SZT2: variants seen among roughly 807,000 people sequenced by gnomAD.
The protein encoded by SZT2 is SZT2 subunit of KICSTOR complex.
Under a neutral mutation model 404.2 loss-of-function variants are expected in SZT2, and 216 were observed. That is an observed-to-expected ratio of 0.53 (90% confidence interval 0.48 to 0.60). SZT2 has a LOEUF of 0.60. Ranked by LOEUF, SZT2 falls within the 20% of genes least tolerant of loss-of-function variation. The probability of loss-of-function intolerance (pLI) is 0.00; values close to 1 mark genes in which losing one functional copy is unlikely to be tolerated. For synonymous variants in SZT2, 1,693 were observed against 1,749.9 expected, an observed-to-expected ratio of 0.97 and a Z score of 0.81; for missense variants, 3,857 against 4,459.2, an observed-to-expected ratio of 0.86 and a Z score of 3.85.
Position 43,437,373 on chromosome 1 carries a change from A to G in SZT2, c.6188-33A>G. 1 of 1,614,018 alleles carries G rather than the reference A, an allele frequency of 6.2e-7. No homozygotes were observed. The highest frequency in any genetic ancestry group is 8.5e-7 in the Non-Finnish European group (1 of 1,179,946). On this transcript the variant is annotated intron_variant, in intron 43 of 71. Coordinates refer to ENST00000634258, the MANE Select transcript of SZT2 (RefSeq NM_001365999.1). The surrounding 1 kb of genome is among the most constrained non-coding windows in gnomAD (Gnocchi z 5.3). ...GGTGAGCATTGGAAGGATCTGGAAA[A>G]GGCAGTTTCCTGAGCCCATGTTATT...
chr1:43,425,177 T>TCCC lies in SZT2; in HGVS notation c.2619_2621dup (p.Pro874dup). ...ACCTGTGTTGTCCAGTACATCCTCTTCCCCCCACACTCTACCTCCACCAAA... is the reference window on the plus strand; with the variant it reads ...ACCTGTGTTGTCCAGTACATCCTCTTCCCCCCCCCACACTCTACCTCCACCAAA... On this transcript the variant is annotated inframe_insertion, in exon 18 of 72. Transcript: ENST00000634258. This position sits in a 1 kb window ranked among gnomAD's most constrained non-coding sequence, Gnocchi z 4.3. 1 of 1,613,928 alleles carries TCCC rather than the reference T, an allele frequency of 6.2e-7. No individual in the cohort carries two copies. Among genetic ancestry groups the TCCC allele is most frequent in the Non-Finnish European group, 8.5e-7 (1 of 1,179,966 alleles).
chr1:43,446,149 C>G, intron 63 of SZT2, 30 bp from the exon 64 acceptor site: 2 of 1,613,828 alleles, frequency 1.2e-6, no homozygotes, highest in Non-Finnish European at 1.7e-6. Flanking sequence ...GGTGAGCCCC[C>G]AAACCTTGCC....
At position 43,404,394 on chromosome 1, in the gene SZT2, G is replaced by A. The variant is rs1228605343; in HGVS notation, c.342G>A (p.Gly114=). The A allele has an allele frequency of 6.2e-7, 1 of 1,613,458 alleles. No homozygotes were observed. The highest frequency in any genetic ancestry group is 1.7e-5 in the Admixed American group (1 of 59,988). The change falls in exon 4 of 72, where the codon GGG becomes GGA. Residue 114 remains glycine, a synonymous_variant. Coordinates refer to ENST00000634258, the MANE Select transcript of SZT2 (RefSeq NM_001365999.1). ...PSTGIVDDST[G]EILFDEVFHA... ...TCTGCCCTCAGGATGATTCCACAGG[G>A]GAGATCTTGTTTGATGAAGTTTTCC...
At position 43,421,196 on chromosome 1, in the gene SZT2, C is replaced by T; in HGVS notation, c.1519C>T (p.Leu507Phe). ...LQSINQTDQM[L>F]AHLQSFSSVP... is the part of the protein sequence containing the mutation. Reference sequence around the variant, plus strand: ...CAGCATCAACCAGACAGACCAGATGCTTGCCCACCTTCAGTCCTTCTCCTC... The same window carrying T: ...CAGCATCAACCAGACAGACCAGATGTTTGCCCACCTTCAGTCCTTCTCCTC... Residue 507 changes from leucine (L) to phenylalanine (F), a missense_variant, in exon 11 of 72, where the codon CTT (leucine) becomes TTT (phenylalanine). By Grantham distance (22) the Leu-to-Phe change is conservative. Coordinates refer to ENST00000634258, the MANE Select transcript of SZT2 (RefSeq NM_001365999.1). 6.3e-7 allele frequency: 1 copy of T among 1,598,520 alleles called. No individual in the cohort carries two copies. Among genetic ancestry groups the T allele is most frequent in the Non-Finnish European group, 8.5e-7 (1 of 1,179,794 alleles).
Position 43,451,520 on chromosome 1 carries a change from G to A in SZT2, c.*1040G>A. The A allele has an allele frequency of 6.2e-7, 1 of 1,614,124 alleles. No homozygotes were observed. The highest frequency in any genetic ancestry group is 8.5e-7 in the Non-Finnish European group (1 of 1,180,026). On this transcript the variant is annotated 3_prime_UTR_variant, in exon 72 of 72. Coordinates refer to ENST00000634258, the MANE Select transcript of SZT2 (RefSeq NM_001365999.1). ...GGGGCTGCTGGGCTCCCCTCGGCCT[G>A]GGACCTGTGCCACCTGCACATGCCC...
In SZT2 at chr1:43,420,679, C is replaced by T. The variant is rs72882000; in HGVS notation, c.1262-70C>T. 2,098 of 1,443,136 alleles carry T rather than the reference C, an allele frequency of 1.5e-3. 20 individuals are homozygous for T. The African/African-American group carries it at 0.026, about 18-fold the overall frequency. The allele number at this position is 1,443,136 out of a possible 1,614,324, so 89.4% of individuals were successfully genotyped here. On this transcript the variant is annotated intron_variant, in intron 9 of 71. Transcript: ENST00000634258. This position sits in a 1 kb window ranked among gnomAD's most constrained non-coding sequence, Gnocchi z 5.1. ...GGTTCCATGAGGTAGGTGGGGGTTTCAGATAGAACTCGATCCCAGGCCTAG... is the reference window on the plus strand; with the variant it reads ...GGTTCCATGAGGTAGGTGGGGGTTTTAGATAGAACTCGATCCCAGGCCTAG...
In SZT2 at chr1:43,437,995, GT is replaced by G. The variant is rs1399612705; in HGVS notation, c.6508+95del. ...GAACCTTGCAAGCATTACACTAGAA[GT>G]TATGTAACAGTCTCAGCCCAAGACC... On this transcript the variant is annotated intron_variant, in intron 46 of 71. Transcript: ENST00000634258. This position sits in a 1 kb window ranked among gnomAD's most constrained non-coding sequence, Gnocchi z 5.3. 1.5e-6 allele frequency: 2 copies of G among 1,292,102 alleles called. No homozygotes were observed. The highest frequency in any genetic ancestry group is 1.5e-5 in the African/African-American group (1 of 68,540). 80.0% of individuals were successfully genotyped at this position (1,292,102 alleles called of 1,614,324 possible).
chr1:43,442,739 T>G lies in SZT2; in HGVS notation c.8152-80T>G, dbSNP rs1311525090. 4.6e-6 allele frequency: 7 copies of G among 1,533,500 alleles called. No homozygotes were observed. 95.0% of individuals were successfully genotyped at this position (1,533,500 alleles called of 1,614,324 possible). On this transcript the variant is annotated intron_variant, in intron 58 of 71. Coordinates refer to ENST00000634258, the MANE Select transcript of SZT2 (RefSeq NM_001365999.1). This position sits in a 1 kb window ranked among gnomAD's most constrained non-coding sequence, Gnocchi z 4.5. Reference sequence around the variant, plus strand: ...GGGCAGAGGTAGTGGGGAGGGAGAGTCTGAGAGAGGAAGCCCTGGGATGAG... The same window carrying G: ...GGGCAGAGGTAGTGGGGAGGGAGAGGCTGAGAGAGGAAGCCCTGGGATGAG...
rs115155214 is a variant in SZT2 at position 43,441,906 on chromosome 1, G to A, written c.7742+88G>A. ...AGGAAGCCAAACCTGAGGAAGCTGA[G>A]CTAGGAGAGGTGGAAACAAGGCCCA... is the stretch of plus-strand genomic sequence containing the variant. On this transcript the variant is annotated intron_variant, in intron 55 of 71. Coordinates refer to ENST00000634258, the MANE Select transcript of SZT2 (RefSeq NM_001365999.1). The surrounding 1 kb of genome is among the most constrained non-coding windows in gnomAD (Gnocchi z 4.8). 2.6e-3 allele frequency: 4,075 copies of A among 1,595,432 alleles called. 91 individuals are homozygous for A. In the African/African-American group the frequency reaches 0.048, roughly 19 times the overall value.
intron 42 of SZT2, chr1:43,436,389 A>T (rs1654461405): frequency 6.6e-6 from 1 of 152,158 alleles, no homozygotes; most frequent in South Asian, 2.1e-4. Flanking sequence ...CAGGTGAACA[A>T]TTTTACTTCA....
chr1:43,411,378 C>T (rs1185080687), intron 4 of SZT2, among the ~76,000 whole-genome samples: 1 of 152,210 alleles, frequency 6.6e-6, no homozygotes, highest in African/African-American at 2.4e-5. Context: ...TTAGGATGCC[C>T]TCTACCCATG....
Position 43,420,064 on chromosome 1 carries a change from C to T in SZT2, c.1091-89C>T. ...TGGCTCTGCTGGCACTGTTACCTCA[C>T]AGTCATTTCAGCATAGCCCCTTCCC... On this transcript the variant is annotated intron_variant, in intron 8 of 71. Coordinates refer to ENST00000634258, the MANE Select transcript of SZT2 (RefSeq NM_001365999.1). The surrounding 1 kb of genome is among the most constrained non-coding windows in gnomAD (Gnocchi z 5.1). 1 of 1,565,336 alleles carries T rather than the reference C, an allele frequency of 6.4e-7. No individual in the cohort carries two copies. The highest frequency in any genetic ancestry group is 8.6e-7 in the Non-Finnish European group (1 of 1,158,190).
chr1:43,410,554 C>CTAA (rs1650906256), intron 4 of SZT2: 1 of 41,040 alleles, frequency 2.4e-5, no homozygotes. Flanking sequence ...GACTCTGTCT[C>CTAA]AAAAAAAAAA....
chr1:43,404,607 G>C, intron 4 of SZT2, 57 bp downstream of exon 4: 3 of 1,555,778 alleles, frequency 1.9e-6, no homozygotes, highest in South Asian at 1.2e-5. Flanking sequence ...TTAGTCCTCT[G>C]ACCAAGTCCT....
Position 43,428,469 on chromosome 1 carries a change from C to T in SZT2, c.4149C>T (p.Ile1383=), listed in dbSNP as rs770424912. ...GTGCTGAACCTCGGGAACGAGCTATCCTAGCTTCTGAATCCAGGTTAGGAT... is the reference window on the plus strand; with the variant it reads ...GTGCTGAACCTCGGGAACGAGCTATTCTAGCTTCTGAATCCAGGTTAGGAT... ...EEGAEPRERA[I]LASESSIETE... Residue 1383 remains isoleucine (I), a synonymous_variant, in exon 28 of 72, where the codon ATC becomes ATT. Transcript: ENST00000634258. 11 of 1,613,766 alleles carry T rather than the reference C, an allele frequency of 6.8e-6. No individual in the cohort carries two copies. Among genetic ancestry groups the T allele is most frequent in the Non-Finnish European group, 9.3e-6 (11 of 1,180,014 alleles).
chr1:43,396,138 TA>T (rs760385109), intron 1 of SZT2, among the ~76,000 whole-genome samples: 4 of 152,230 alleles, frequency 2.6e-5, no homozygotes, highest in Non-Finnish European at 5.9e-5. Context: ...CTCATTTGAG[TA>T]TTATGTTCCA....
At position 43,442,419 on chromosome 1, in the gene SZT2, T is replaced by C. The variant is rs538754880; in HGVS notation, c.7975-23T>C. ...GGGAAGAGGGGTTCCGTGATCTCACTGACCCTGACCCCCGACCTCCAGCTA... is the reference window on the plus strand; with the variant it reads ...GGGAAGAGGGGTTCCGTGATCTCACCGACCCTGACCCCCGACCTCCAGCTA... On this transcript the variant is annotated intron_variant, in intron 57 of 71. Coordinates refer to ENST00000634258, the MANE Select transcript of SZT2 (RefSeq NM_001365999.1). This position sits in a 1 kb window ranked among gnomAD's most constrained non-coding sequence, Gnocchi z 4.5. 1 of 1,612,180 alleles carries C rather than the reference T, an allele frequency of 6.2e-7. No homozygotes were observed. The highest frequency in any genetic ancestry group is 8.5e-7 in the Non-Finnish European group (1 of 1,178,756).
Position 43,428,440 on chromosome 1 carries a change from G to A in SZT2, c.4120G>A (p.Glu1374Lys). ...TGGGCCCTTCAGCAGCAGCATGGAGGAGGGTGCTGAACCTCGGGAACGAGC... is the reference window on the plus strand; with the variant it reads ...TGGGCCCTTCAGCAGCAGCATGGAGAAGGGTGCTGAACCTCGGGAACGAGC... ...SPGPFSSSME[E>K]GAEPRERAIL... The change falls in exon 28 of 72, where the codon GAG becomes AAG. Residue 1374 changes from glutamate (E) to lysine (K), a missense_variant. This residue lies in a region of SZT2 where 1,725 missense variants were observed against 1,881.0 expected (regional missense o/e 0.92). Transcript: ENST00000634258. The A allele has an allele frequency of 1.2e-6, 2 of 1,614,160 alleles. No homozygotes were observed. Among genetic ancestry groups the A allele is most frequent in the Non-Finnish European group, 1.7e-6 (2 of 1,180,016 alleles).
Position 43,422,885 on chromosome 1 carries a change from T to G in SZT2, c.2037+2T>G. ...ACACCAGCACCGGCCCGGCACAAGG[T>G]AAGCTGGGCCCTGACTGACTCTGAC... On this transcript the variant is annotated splice_donor_variant, in intron 14 of 71. Transcript: ENST00000634258. LOFTEE classifies it high-confidence loss of function. 1.3e-6 allele frequency: 2 copies of G among 1,577,398 alleles called. No individual in the cohort carries two copies. Among genetic ancestry groups the G allele is most frequent in the Non-Finnish European group, 1.7e-6 (2 of 1,169,304 alleles).
Sources: gnomAD v4.1 joint callset for allele counts (sites outside exome capture counted in the v4.1 genomes callset) on GRCh38, gnomAD v4.1.1 for gene constraint, gnomAD v4.1.1 regional missense constraint, Gnocchi (gnomAD v3.1) non-coding constraint, MANE v1.5 for transcripts, NCBI Gene and HGNC (gene_info 2026-07-23, HGNC 2026-07-21) for gene names.